ATXN1: variants seen among roughly 807,000 people sequenced by gnomAD.
ATXN1 encodes the protein ataxin-1.
ATXN1 carries 8 observed loss-of-function variants against 56.4 expected under a neutral mutation model. The observed-to-expected ratio is 0.14, with a 90% CI of 0.08 to 0.26. The LOEUF is 0.26. ATXN1 is among the 10% of genes least tolerant of loss of function. The pLI is 1.00. For synonymous variants in ATXN1, 514 were observed against 494.6 expected, an observed-to-expected ratio of 1.04 and a Z score of -0.52; for missense variants, 987 against 1,106.5, an observed-to-expected ratio of 0.89 and a Z score of 1.53.
chr6:16,361,526 T>C (rs1316017391), intron 6 of ATXN1, among the ~76,000 whole-genome samples: 1 of 152,160 alleles, frequency 6.6e-6, no homozygotes, highest in Non-Finnish European at 1.5e-5. Flanking sequence ...TGGGAATAAA[T>C]GTAGATTATA....
At chr6:16,563,888 C>T (rs1391291937) in intron 4 of ATXN1, among the ~76,000 whole-genome samples, 3 of 152,108 alleles carry the variant, frequency 2.0e-5, no homozygotes, top group African/African-American at 7.2e-5. Flanking sequence ...GGGCTTAGGA[C>T]GGAGCATCTG....
Position 16,760,170 on chromosome 6 carries a change from G to C in ATXN1, c.-730+1128C>G, listed in dbSNP as rs2113554566. Among the ~76,000 whole-genome samples, 1 of 151,952 alleles carries C rather than the reference G, an allele frequency of 6.6e-6. No individual in the cohort carries two copies. Among genetic ancestry groups the C allele is most frequent in the East Asian group, 2.0e-4 (1 of 5,118 alleles). On this transcript the variant is annotated intron_variant, in intron 1 of 7. Coordinates refer to ENST00000436367, the MANE Select transcript of ATXN1 (RefSeq NM_001128164.2). The surrounding 1 kb of genome is among the most constrained non-coding windows in gnomAD (Gnocchi z 5.3). ...CGCCCCCGGGAGTGGCAGAGTCTCCGGCCCGGCCCAGAGTGAACGAGCAGT... is the reference window on the plus strand; with the variant it reads ...CGCCCCCGGGAGTGGCAGAGTCTCCCGCCCGGCCCAGAGTGAACGAGCAGT...
At chr6:16,567,942 C>T (rs236949) in intron 4 of ATXN1, among the ~76,000 whole-genome samples, 2 of 151,938 alleles carry the variant, frequency 1.3e-5, no homozygotes, top group African/African-American at 4.8e-5. Context: ...AAAGTATTTT[C>T]CTTCCATGTG....
chr6:16,496,987 G>A (rs1760793007), intron 5 of ATXN1, among the ~76,000 whole-genome samples: 1 of 152,040 alleles, frequency 6.6e-6, no homozygotes, highest in Non-Finnish European at 1.5e-5. Context: ...TATCAAAAAA[G>A]GAGAAAATCT....
intron 6 of ATXN1, among the ~76,000 whole-genome samples, chr6:16,362,406 C>T (rs1761827691): frequency 1.3e-5 from 2 of 152,292 alleles, no homozygotes; most frequent in East Asian, 1.9e-4. Context: ...ACCTGGGTGT[C>T]GGCTTCTGAG....
intron 2 of ATXN1, among the ~76,000 whole-genome samples, chr6:16,702,255 A>G (rs1759301904): frequency 6.6e-6 from 1 of 152,240 alleles, no homozygotes; most frequent in Admixed American, 6.5e-5. Context: ...TATTTAATAA[A>G]TGGTGCTGGG....
chr6:16,475,649 G>A (rs1204972276), intron 6 of ATXN1, among the ~76,000 whole-genome samples: 1 of 152,182 alleles, frequency 6.6e-6, no homozygotes, highest in African/African-American at 2.4e-5. Context: ...GTGATTCAAA[G>A]AGTCTCTTAT....
intron 4 of ATXN1, among the ~76,000 whole-genome samples, chr6:16,575,130 G>A (rs112872908): frequency 1.8e-3 from 271 of 152,252 alleles, no homozygotes; most frequent in African/African-American, 6.0e-3. Flanking sequence ...TTAAGGTGAT[G>A]TCTGCCAGGA....
chr6:16,494,270 G>A (rs995209968), intron 5 of ATXN1, among the ~76,000 whole-genome samples: 17 of 152,174 alleles, frequency 1.1e-4, no homozygotes, highest in Admixed American at 4.6e-4. Flanking sequence ...AATATCATGC[G>A]TTCCCTGTTC....
At chr6:16,316,714 C>A (rs1307351154) in intron 7 of ATXN1, among the ~76,000 whole-genome samples, 1 of 151,778 alleles carries the variant, frequency 6.6e-6, no homozygotes, top group Non-Finnish European at 1.5e-5. Context: ...GCCATTGCAC[C>A]CCAGCCCAGG....
In ATXN1 at chr6:16,728,171, G is replaced by C. The variant is rs556143290; in HGVS notation, c.-615+25062C>G. On this transcript the variant is annotated intron_variant, in intron 2 of 7. Coordinates refer to ENST00000436367, the MANE Select transcript of ATXN1 (RefSeq NM_001128164.2). ...TGCCACACTACCCTGGAGCTGAAAGGAGGCAAAGGCCTCCAGTCACATGGA... is the reference window on the plus strand; with the variant it reads ...TGCCACACTACCCTGGAGCTGAAAGCAGGCAAAGGCCTCCAGTCACATGGA... 1.1e-4 allele frequency among the ~76,000 whole-genome samples: 16 copies of C among 152,320 alleles called. No homozygotes were observed. The East Asian group carries it at 3.1e-3, about 29-fold the overall frequency.
chr6:16,407,773 C>T (rs1758715204), intron 6 of ATXN1, among the ~76,000 whole-genome samples: 1 of 152,120 alleles, frequency 6.6e-6, no homozygotes. Context: ...AATCAGGTCT[C>T]ATCTGGGCAT....
intron 2 of ATXN1, among the ~76,000 whole-genome samples, chr6:16,707,735 T>G (rs1449199310): frequency 2.0e-5 from 3 of 152,182 alleles, no homozygotes; most frequent in Non-Finnish European, 4.4e-5. Flanking sequence ...GTCCAATGGT[T>G]ATGAGTGGGG....
chr6:16,315,751 C>T lies in ATXN1; in HGVS notation c.1918-8892G>A, dbSNP rs138080053. Among the ~76,000 whole-genome samples, 4 of 152,248 alleles carry T rather than the reference C, an allele frequency of 2.6e-5. No homozygotes were observed. The East Asian group carries it at 7.7e-4, about 29-fold the overall frequency. ...GATCATGGCTCACTGCAGCCTTGAC[C>T]TCGTGGGCTCAAGATATCTTCCTGC... On this transcript the variant is annotated intron_variant, in intron 7 of 7. Transcript: ENST00000436367.
intron 2 of ATXN1, among the ~76,000 whole-genome samples, chr6:16,703,489 A>T (rs1463189570): frequency 6.6e-6 from 1 of 152,214 alleles, no homozygotes; most frequent in African/African-American, 2.4e-5. Flanking sequence ...ATTTTAAAAA[A>T]ATTCCTTTAT....
intron 3 of ATXN1, among the ~76,000 whole-genome samples, chr6:16,618,197 A>G (rs1445707930): frequency 2.6e-5 from 4 of 152,188 alleles, no homozygotes; most frequent in African/African-American, 7.2e-5. Context: ...CTCACTCATA[A>G]GTGGGAGTTT....
chr6:16,342,163 G>A (rs879495479), intron 6 of ATXN1, among the ~76,000 whole-genome samples: 1 of 152,026 alleles, frequency 6.6e-6, no homozygotes, highest in Non-Finnish European at 1.5e-5. Flanking sequence ...GATTACAGGC[G>A]TGAGCCACTG....
intron 4 of ATXN1, among the ~76,000 whole-genome samples, chr6:16,568,335 A>C (rs1446466973): frequency 6.6e-6 from 1 of 152,232 alleles, no homozygotes; most frequent in East Asian, 1.9e-4. Flanking sequence ...AGAAGTACAC[A>C]TAAGTCAACC....
chr6:16,438,256 A>G (rs1759434209), intron 6 of ATXN1, among the ~76,000 whole-genome samples: 1 of 152,220 alleles, frequency 6.6e-6, no homozygotes, highest in Non-Finnish European at 1.5e-5. Context: ...ATAATGGTCC[A>G]TGGCCCAGGG....
Sources: gnomAD v4.1 joint callset for allele counts (sites outside exome capture counted in the v4.1 genomes callset) on GRCh38, gnomAD v4.1.1 for gene constraint, Gnocchi (gnomAD v3.1) non-coding constraint, MANE v1.5 for transcripts, NCBI Gene and HGNC (gene_info 2026-07-23, HGNC 2026-07-21) for gene names.